TENM3: variants seen among roughly 807,000 people sequenced by gnomAD.
TENM3 encodes the protein teneurin-3.
Under a neutral mutation model 255.1 loss-of-function variants are expected in TENM3, and 63 were observed. That is an observed-to-expected ratio of 0.25 (90% CI 0.20 to 0.30). The LOEUF (loss-of-function observed/expected upper bound fraction) is 0.30. Ranked by LOEUF, TENM3 falls within the 10% of genes least tolerant of loss-of-function variation. The probability of loss-of-function intolerance (pLI) is 1.00; values close to 1 mark genes in which losing one functional copy is unlikely to be tolerated. For synonymous variants in TENM3, 1,306 were observed against 1,322.3 expected, an observed-to-expected ratio of 0.99 and a Z score of 0.27; for missense variants, 2,929 against 3,461.1, an observed-to-expected ratio of 0.85 and a Z score of 3.86.
the TENM3 span, among the ~76,000 whole-genome samples, chr4:181,675,311 A>T: frequency 6.6e-6 from 1 of 152,100 alleles, no homozygotes; most frequent in African/African-American, 2.4e-5. Flanking sequence ...AAAATGAGTT[A>T]TATTGGAGGA....
At position 182,621,619 on chromosome 4, in the gene TENM3, A is replaced by ATTATATATTAT. The variant is rs1159351962; in HGVS notation, c.750-7031_750-7030insTATATATTATT. On this transcript the variant is annotated intron_variant, in intron 4 of 27. Coordinates refer to ENST00000511685, the MANE Select transcript of TENM3 (RefSeq NM_001080477.4). ...TCTGTACAAAAATATATATAAATAT[A>ATTATATATTAT]TATATAAAATATATAATATATAATA... Among the ~76,000 whole-genome samples, 6 of 45,052 alleles carry ATTATATATTAT rather than the reference A, an allele frequency of 1.3e-4. 1 individual carries two copies. The highest frequency in any genetic ancestry group is 1.1e-3 in the East Asian group (3 of 2,646). The allele number at this position is 45,052 out of a possible 152,430, so 29.6% of individuals were successfully genotyped here.
At chr4:182,278,373 C>CA (rs972167696) in intron 1 of TENM3, among the ~76,000 whole-genome samples, 48 of 148,308 alleles carry the variant, frequency 3.2e-4, no homozygotes, top group East Asian at 5.9e-4. Flanking sequence ...ATCTCAAAAA[C>CA]AAAAAAAAAG....
At chr4:181,948,819 T>A in the TENM3 span, among the ~76,000 whole-genome samples, 1 of 152,154 alleles carries the variant, frequency 6.6e-6, no homozygotes, top group Non-Finnish European at 1.5e-5. Flanking sequence ...AAAGTGTGGA[T>A]GAATGCAGAT....
chr4:182,183,762 A>T (rs1752979261), intron 1 of TENM3, among the ~76,000 whole-genome samples: 1 of 152,214 alleles, frequency 6.6e-6, no homozygotes, highest in African/African-American at 2.4e-5. Context: ...TATCTAGATC[A>T]TATTATATTA....
intron 3 of TENM3, among the ~76,000 whole-genome samples, chr4:182,518,938 G>A (rs774274516): frequency 1.3e-5 from 2 of 152,060 alleles, no homozygotes; most frequent in East Asian, 1.9e-4. Context: ...TGCTGTGTAC[G>A]GGGCATATAC....
Position 182,690,622 on chromosome 4 carries a change from A to G in TENM3, c.2221+2271A>G, listed in dbSNP as rs138314392. Among the ~76,000 whole-genome samples, 714 of 152,322 alleles carry G rather than the reference A, an allele frequency of 4.7e-3. 2 individuals are homozygous for G. Among genetic ancestry groups the G allele is most frequent in the African/African-American group, 0.016 (684 of 41,568 alleles). Reference sequence around the variant, plus strand: ...TAGGAAGTACAACAAACACGTGTGTATAGCTTTGAAAACCAGGAAGTGTGC... The same window carrying G: ...TAGGAAGTACAACAAACACGTGTGTGTAGCTTTGAAAACCAGGAAGTGTGC... On this transcript the variant is annotated intron_variant, in intron 12 of 27. Coordinates refer to ENST00000511685, the MANE Select transcript of TENM3 (RefSeq NM_001080477.4).
the TENM3 span, among the ~76,000 whole-genome samples, chr4:181,827,937 A>T: frequency 6.6e-6 from 1 of 151,970 alleles, no homozygotes; most frequent in African/African-American, 2.4e-5. Flanking sequence ...CCAATTCATT[A>T]AAAAAAATGA....
At chr4:182,102,558 TC>T in the TENM3 span, among the ~76,000 whole-genome samples, 2 of 152,324 alleles carry the variant, frequency 1.3e-5, no homozygotes, top group African/African-American at 4.8e-5. Flanking sequence ...AAAAAAGAGA[TC>T]TTTCCTGGGA....
the TENM3 span, among the ~76,000 whole-genome samples, chr4:181,622,178 C>A: frequency 6.6e-6 from 1 of 152,100 alleles, no homozygotes; most frequent in African/African-American, 2.4e-5. Flanking sequence ...GTCAACTGGT[C>A]ATCTAGAGAG....
chr4:182,712,069 GT>G lies in TENM3; in HGVS notation c.2222-2011del, dbSNP rs1251490199. On this transcript the variant is annotated intron_variant, in intron 12 of 27. Coordinates refer to ENST00000511685, the MANE Select transcript of TENM3 (RefSeq NM_001080477.4). ...TTTATTTCATATGGAAGCTTCTTTG[GT>G]TTTTTTCCTAAATGTTTCAAAATAT... is the stretch of plus-strand genomic sequence containing the variant. 2.0e-5 allele frequency among the ~76,000 whole-genome samples: 3 copies of G among 151,872 alleles called. No homozygotes were observed. The South Asian group carries it at 6.2e-4, about 32-fold the overall frequency.
the TENM3 span, among the ~76,000 whole-genome samples, chr4:181,723,633 G>A: frequency 6.6e-6 from 1 of 151,940 alleles, no homozygotes; most frequent in Non-Finnish European, 1.5e-5. Context: ...CTGACTTTAT[G>A]TATGACCAGT....
the TENM3 span, among the ~76,000 whole-genome samples, chr4:181,621,745 A>G: frequency 2.0e-5 from 3 of 152,192 alleles, no homozygotes; most frequent in African/African-American, 7.2e-5. Flanking sequence ...CAAGAAGGGA[A>G]AAGATCCAAC....
chr4:182,608,842 T>C (rs909643048), intron 4 of TENM3, among the ~76,000 whole-genome samples: 1 of 152,096 alleles, frequency 6.6e-6, no homozygotes, highest in Non-Finnish European at 1.5e-5. Context: ...ACCATAAAAA[T>C]ACCATGGCCA....
At chr4:181,768,413 A>C in the TENM3 span, among the ~76,000 whole-genome samples, 1 of 152,230 alleles carries the variant, frequency 6.6e-6, no homozygotes, top group African/African-American at 2.4e-5. Flanking sequence ...TACAGGTTTA[A>C]TTATTGTGTG....
intron 1 of TENM3, among the ~76,000 whole-genome samples, chr4:182,317,461 G>A (rs77662170): frequency 2.0e-5 from 3 of 150,646 alleles, no homozygotes; most frequent in African/African-American, 7.3e-5. Context: ...CACTGTGCCT[G>A]TTTTTTTTTG....
At chr4:182,339,873 C>T (rs780055617) in intron 2 of TENM3, among the ~76,000 whole-genome samples, 8 of 151,756 alleles carry the variant, frequency 5.3e-5, no homozygotes, top group Non-Finnish European at 1.2e-4. Context: ...TCTAAGTAAA[C>T]ATAAGAAGCA....
the TENM3 span, among the ~76,000 whole-genome samples, chr4:181,978,245 C>A: frequency 6.6e-6 from 1 of 152,160 alleles, no homozygotes. Context: ...GGAACCGAGG[C>A]ACAGAGAAAC....
the TENM3 span, among the ~76,000 whole-genome samples, chr4:181,518,938 C>T: frequency 6.6e-6 from 1 of 152,136 alleles, no homozygotes; most frequent in Non-Finnish European, 1.5e-5. Context: ...GGACAGTGAG[C>T]TGTTTAAATA....
intron 4 of TENM3, among the ~76,000 whole-genome samples, chr4:182,615,999 A>G (rs1312064606): frequency 3.9e-5 from 6 of 152,168 alleles, no homozygotes; most frequent in Admixed American, 3.9e-4. Flanking sequence ...TGGTTCCTGG[A>G]GCAGCCCCGT....
Sources: allele counts gnomAD v4.1 joint callset (sites outside exome capture counted in the v4.1 genomes callset), GRCh38; gene constraint gnomAD v4.1.1; transcripts MANE v1.5; gene names NCBI Gene and HGNC (gene_info 2026-07-23, HGNC 2026-07-21).